Variants in FMN2 observed in about 807,000 individuals in gnomAD.
The protein encoded by FMN2 is formin-2.
FMN2 carries 51 observed loss-of-function variants against 142.3 expected under a neutral mutation model. The ratio of observed to expected loss-of-function variants is 0.36; its 90% confidence interval spans 0.29 to 0.45. The LOEUF (loss-of-function observed/expected upper bound fraction) is 0.45. FMN2 is among the 20% of genes least tolerant of loss of function. The pLI, the probability that FMN2 is intolerant of heterozygous loss-of-function variation, is 1.00. For synonymous variants in FMN2, 882 were observed against 869.8 expected (o/e 1.01, Z -0.25); for missense variants, 1,936 against 2,122.8 (o/e 0.91, Z 1.73).
intron 2 of FMN2, among the ~76,000 whole-genome samples, chr1:240,151,315 A>G (rs1663763302): frequency 6.6e-6 from 1 of 152,196 alleles, no homozygotes; most frequent in Admixed American, 6.5e-5. Flanking sequence ...GTAGCAGAGC[A>G]TGTCACAGAT....
intron 13 of FMN2, among the ~76,000 whole-genome samples, chr1:240,353,584 C>T (rs1672167070): frequency 6.6e-6 from 1 of 152,168 alleles, no homozygotes; most frequent in Admixed American, 6.5e-5. Flanking sequence ...CACATAGTTA[C>T]AAATAACTTT....
At chr1:240,439,998 A>G (rs1332123476) in intron 16 of FMN2, among the ~76,000 whole-genome samples, 1 of 152,122 alleles carries the variant, frequency 6.6e-6, no homozygotes, top group African/African-American at 2.4e-5. Flanking sequence ...TTGCGCGATT[A>G]TTTTCATCAT....
At chr1:240,431,423 T>TATAC (rs1491221486) in intron 15 of FMN2, among the ~76,000 whole-genome samples, 24 of 130,940 alleles carry the variant, frequency 1.8e-4, no homozygotes, top group African/African-American at 5.8e-4. Context: ...TATATATATA[T>TATAC]ACATATATAT....
At position 240,371,837 on chromosome 1, in the gene FMN2, C is replaced by T. The variant is rs570522419; in HGVS notation, c.4858+15929C>T. On this transcript the variant is annotated intron_variant, in intron 14 of 17. Transcript: ENST00000319653. Reference sequence around the variant, plus strand: ...AAGTCTCCTCTGAAGATAAGCAACACTTGTGAGACAGATGTGTCACACAGT... The same window carrying T: ...AAGTCTCCTCTGAAGATAAGCAACATTTGTGAGACAGATGTGTCACACAGT... 5.9e-5 allele frequency among the ~76,000 whole-genome samples: 9 copies of T among 152,300 alleles called. No homozygotes were observed. In the South Asian group the frequency reaches 1.0e-3, roughly 18 times the overall value.
intron 14 of FMN2, 75 bp from the exon 15 acceptor site, chr1:240,392,436 T>C: frequency 8.7e-7 from 1 of 1,151,472 alleles, no homozygotes. Context: ...TTACGTTATG[T>C]AGGGCAGATG....
intron 8 of FMN2, among the ~76,000 whole-genome samples, chr1:240,297,438 A>G (rs1670024948): frequency 6.6e-6 from 1 of 151,926 alleles, no homozygotes; most frequent in East Asian, 1.9e-4. Context: ...TACTAAAAAT[A>G]CAAACATAAG....
intron 16 of FMN2, among the ~76,000 whole-genome samples, chr1:240,465,914 A>G (rs1297665393): frequency 6.6e-6 from 1 of 152,104 alleles, no homozygotes; most frequent in Admixed American, 6.5e-5. Context: ...CATCTCACAA[A>G]CCATTTTTAA....
rs1231192657 is a variant in FMN2 at position 240,177,946 on chromosome 1, C to T, written c.1808C>T (p.Ala603Val). The change falls in exon 3 of 18, where the codon GCA (alanine) becomes GTA (valine). Residue 603 changes from alanine to valine, a missense_variant. Transcript: ENST00000319653. Reference sequence around the variant, plus strand: ...CAAGATCAACTTTATACCTGGGCTGCAGTTAGTCAACCCACACACTCATTG... The same window carrying T: ...CAAGATCAACTTTATACCTGGGCTGTAGTTAGTCAACCCACACACTCATTG... The part of the protein sequence containing the change: ...FDQDQLYTWA[A>V]VSQPTHSLDY... The T allele has an allele frequency of 1.2e-5, 19 of 1,591,488 alleles. No homozygotes were observed. Among genetic ancestry groups the T allele is most frequent in the Non-Finnish European group, 1.6e-5 (19 of 1,172,682 alleles).
chr1:240,428,977 T>G (rs1031551775), intron 15 of FMN2, among the ~76,000 whole-genome samples: 4 of 152,186 alleles, frequency 2.6e-5, no homozygotes, highest in African/African-American at 9.6e-5. Flanking sequence ...AACTTTCTCT[T>G]AAATCTTTTT....
intron 6 of FMN2, among the ~76,000 whole-genome samples, chr1:240,232,260 TTTTTTTTTTTA>T (rs1157360259): frequency 2.4e-5 from 2 of 84,248 alleles, no homozygotes; most frequent in African/African-American, 5.0e-5. Context: ...TTTTTTTTTT[TTTTTTTTTTTA>T]AGTAGAGACA....
intron 4 of FMN2, among the ~76,000 whole-genome samples, chr1:240,200,343 A>G (rs891803416): frequency 5.3e-5 from 8 of 152,206 alleles, no homozygotes; most frequent in African/African-American, 1.7e-4. Flanking sequence ...GAAAGAAAAC[A>G]ACCTATATTA....
At chr1:240,175,983 TC>T (rs1309484551) in intron 2 of FMN2, among the ~76,000 whole-genome samples, 1 of 152,186 alleles carries the variant, frequency 6.6e-6, no homozygotes, top group Non-Finnish European at 1.5e-5. Flanking sequence ...TGCAAATACT[TC>T]CTCCCATTTT....
At chr1:240,113,944 G>C (rs1239001505) in intron 1 of FMN2, among the ~76,000 whole-genome samples, 1 of 152,092 alleles carries the variant, frequency 6.6e-6, no homozygotes, top group African/African-American at 2.4e-5. Flanking sequence ...CATGATTTTT[G>C]TGTCACATAT....
chr1:240,402,760 A>T (rs1411160318), intron 15 of FMN2, among the ~76,000 whole-genome samples: 4 of 152,250 alleles, frequency 2.6e-5, no homozygotes, highest in African/African-American at 4.8e-5. Context: ...ATAGGCAGAG[A>T]ATGTAGAAAT....
intron 14 of FMN2, among the ~76,000 whole-genome samples, chr1:240,385,283 T>C (rs182998185): frequency 3.3e-5 from 5 of 152,338 alleles, no homozygotes; most frequent in Admixed American, 1.3e-4. Context: ...TATTTACTTA[T>C]TTTTAGTTAA....
chr1:240,110,689 C>T (rs919812755), intron 1 of FMN2, among the ~76,000 whole-genome samples: 8 of 152,000 alleles, frequency 5.3e-5, no homozygotes, highest in African/African-American at 1.9e-4. Flanking sequence ...GTGGGAAGAG[C>T]GTGAGGGGAT....
chr1:240,420,889 T>A (rs139136760), intron 15 of FMN2, among the ~76,000 whole-genome samples: 1,813 of 152,158 alleles, frequency 0.012, 41 homozygotes, highest in African/African-American at 0.039. Context: ...AGTGCCAAGA[T>A]TGGATTTATT....
chr1:240,356,173 A>G (rs1339419323), intron 14 of FMN2, among the ~76,000 whole-genome samples: 2 of 152,084 alleles, frequency 1.3e-5, no homozygotes, highest in Non-Finnish European at 2.9e-5. Context: ...TATACACTAG[A>G]TATTAGTTAA....
intron 4 of FMN2, among the ~76,000 whole-genome samples, chr1:240,201,669 TAAA>T (rs938464709): frequency 1.4e-4 from 22 of 152,332 alleles, no homozygotes; most frequent in African/African-American, 5.0e-4. Context: ...TCCATTATGA[TAAA>T]AATTGTTTTA....
Sources: allele counts gnomAD v4.1 joint callset (sites outside exome capture counted in the v4.1 genomes callset), GRCh38; gene constraint gnomAD v4.1.1; transcripts MANE v1.5; gene names NCBI Gene and HGNC (gene_info 2026-07-23, HGNC 2026-07-21).